Variants in GRM8 observed in about 807,000 individuals in gnomAD.
GRM8 encodes metabotropic glutamate receptor 8.
GRM8 carries 47 observed loss-of-function variants against 87.2 expected under a neutral mutation model. The ratio of observed to expected loss-of-function variants is 0.54; its 90% CI spans 0.43 to 0.69. The LOEUF is 0.69. Ranked by LOEUF, GRM8 falls within the 30% of genes least tolerant of loss-of-function variation. GRM8 has a pLI of 0.00. For synonymous variants in GRM8, 396 were observed against 404.5 expected, an observed-to-expected ratio of 0.98 and a Z score of 0.25; for missense variants, 1,019 against 1,139.2, an observed-to-expected ratio of 0.89 and a Z score of 1.52.
chr7:126,466,071 C>T (rs1804470062), intron 9 of GRM8, among the ~76,000 whole-genome samples: 1 of 151,728 alleles, frequency 6.6e-6, no homozygotes, highest in African/African-American at 2.4e-5. Context: ...AAAAATTTGC[C>T]TTTTTATACT....
intron 6 of GRM8, among the ~76,000 whole-genome samples, chr7:126,824,831 G>A (rs527505511): frequency 6.6e-6 from 1 of 152,186 alleles, no homozygotes; most frequent in Non-Finnish European, 1.5e-5. Flanking sequence ...ACTGTTAGCA[G>A]TCCCATTATA....
chr7:126,734,038 AAAT>A (rs1471594975), intron 7 of GRM8, among the ~76,000 whole-genome samples: 8 of 152,060 alleles, frequency 5.3e-5, no homozygotes, highest in African/African-American at 1.9e-4. Flanking sequence ...CAATTACCTG[AAAT>A]AATGAGAAAA....
At chr7:126,727,198 G>A (rs981089750) in intron 7 of GRM8, among the ~76,000 whole-genome samples, 9 of 151,644 alleles carry the variant, frequency 5.9e-5, no homozygotes, top group African/African-American at 1.9e-4. Context: ...CAATATATAG[G>A]TTCAACAAGA....
chr7:127,044,122 G>T (rs979667275), intron 3 of GRM8, among the ~76,000 whole-genome samples: 1 of 152,212 alleles, frequency 6.6e-6, no homozygotes, highest in Non-Finnish European at 1.5e-5. Context: ...GGGCACCTGT[G>T]GAGGGGAAGC....
chr7:127,202,029 A>C (rs988589800), intron 2 of GRM8, among the ~76,000 whole-genome samples: 1 of 152,198 alleles, frequency 6.6e-6, no homozygotes, highest in African/African-American at 2.4e-5. Context: ...GCCAAAATTC[A>C]CTGCTGAAAG....
At chr7:126,925,203 G>A (rs1339993559) in intron 3 of GRM8, among the ~76,000 whole-genome samples, 2 of 152,182 alleles carry the variant, frequency 1.3e-5, no homozygotes, top group African/African-American at 2.4e-5. Flanking sequence ...AGAATAGTTA[G>A]CATTCAAGTT....
intron 8 of GRM8, among the ~76,000 whole-genome samples, chr7:126,546,028 T>C (rs1817117073): frequency 6.6e-6 from 1 of 152,142 alleles, no homozygotes. Flanking sequence ...GGAACACGTG[T>C]CTTCAGAATG....
At chr7:126,448,469 C>T (rs184216502) in intron 9 of GRM8, among the ~76,000 whole-genome samples, 84 of 151,882 alleles carry the variant, frequency 5.5e-4, no homozygotes, top group Non-Finnish European at 1.0e-3. Context: ...ATAATTTCTG[C>T]GATATATAGT....
rs191013148 is a variant in GRM8 at position 126,507,770 on chromosome 7, G to T, written c.2430+25182C>A. Among the ~76,000 whole-genome samples, 258 of 151,940 alleles carry T rather than the reference G, an allele frequency of 1.7e-3. 4 individuals are homozygous for T. The highest frequency in any genetic ancestry group is 9.7e-4 in the East Asian group (5 of 5,140). On this transcript the variant is annotated intron_variant, in intron 9 of 10. Transcript: ENST00000339582. ...TCTTATTAACAATTCCTTCTTTTTC[G>T]AGCTTGTCTATTCTTTTAGAGCAAC...
chr7:126,567,028 A>T (rs1794277212), intron 8 of GRM8, among the ~76,000 whole-genome samples: 1 of 152,150 alleles, frequency 6.6e-6, no homozygotes, highest in African/African-American at 2.4e-5. Flanking sequence ...ATATGAGTCG[A>T]ATCATATAAT....
At chr7:127,217,247 C>T (rs751698149) in intron 2 of GRM8, among the ~76,000 whole-genome samples, 6 of 151,994 alleles carry the variant, frequency 3.9e-5, no homozygotes, top group East Asian at 3.9e-4. Context: ...CAAAAAATGC[C>T]GTTAGGTTCA....
At chr7:126,797,919 T>C (rs1822148522) in intron 6 of GRM8, among the ~76,000 whole-genome samples, 1 of 152,058 alleles carries the variant, frequency 6.6e-6, no homozygotes. Context: ...AAAAGTAAGA[T>C]GGAGACAACA....
At chr7:127,033,032 G>T (rs534910718) in intron 3 of GRM8, among the ~76,000 whole-genome samples, 4 of 133,120 alleles carry the variant, frequency 3.0e-5, no homozygotes, top group Non-Finnish European at 4.8e-5. Flanking sequence ...TTCTAACATG[G>T]TATCTTGTTT....
intron 2 of GRM8, among the ~76,000 whole-genome samples, chr7:127,200,092 C>A (rs28952002): frequency 6.6e-6 from 1 of 152,228 alleles, no homozygotes; most frequent in East Asian, 1.9e-4. Flanking sequence ...AATCAAGACA[C>A]CCAACATGAT....
intron 8 of GRM8, among the ~76,000 whole-genome samples, chr7:126,556,337 T>TAA (rs3038820): frequency 0.3 from 33,671 of 110,974 alleles, 5,296 homozygotes; most frequent in East Asian, 0.39. Flanking sequence ...TTCTCCTCTT[T>TAA]AAAAAAAAAA....
chr7:126,683,004 G>A (rs1399179292), intron 7 of GRM8, among the ~76,000 whole-genome samples: 5 of 152,060 alleles, frequency 3.3e-5, no homozygotes, highest in South Asian at 2.1e-4. Context: ...AACCTAGATC[G>A]TGCCACTGCA....
At chr7:127,078,477 G>A (rs1181448259) in intron 3 of GRM8, among the ~76,000 whole-genome samples, 3 of 152,218 alleles carry the variant, frequency 2.0e-5, no homozygotes, top group South Asian at 2.1e-4. Context: ...GAAGAGTGGC[G>A]ATTATCATGA....
intron 2 of GRM8, among the ~76,000 whole-genome samples, chr7:127,123,808 A>C (rs1158998541): frequency 6.6e-6 from 1 of 152,178 alleles, no homozygotes; most frequent in Non-Finnish European, 1.5e-5. Context: ...TCCCCATAAG[A>C]AATAGAAGCC....
chr7:127,067,308 C>T (rs1171196778), intron 3 of GRM8, among the ~76,000 whole-genome samples: 1 of 152,096 alleles, frequency 6.6e-6, no homozygotes, highest in Non-Finnish European at 1.5e-5. Flanking sequence ...CAACATATAC[C>T]CATCATCCTG....
Sources: allele counts gnomAD v4.1 joint callset (sites outside exome capture counted in the v4.1 genomes callset), GRCh38; gene constraint gnomAD v4.1.1; transcripts MANE v1.5; gene names NCBI Gene and HGNC (gene_info 2026-07-23, HGNC 2026-07-21).